MYH2: variants seen among roughly 807,000 people sequenced by gnomAD.
The protein encoded by MYH2 is myosin heavy chain 2.
A neutral mutation model predicts 228.1 loss-of-function variants in MYH2; 139 were observed. The observed-to-expected ratio is 0.61, with a 90% CI of 0.53 to 0.70. The LOEUF (loss-of-function observed/expected upper bound fraction) is 0.70. Ranked by LOEUF, MYH2 falls within the 30% of genes least tolerant of loss-of-function variation. MYH2 has a pLI of 0.00. For synonymous variants in MYH2, 796 were observed against 871.1 expected, an observed-to-expected ratio of 0.91 and a Z score of 1.52; for missense variants, 1,809 against 2,357.5, an observed-to-expected ratio of 0.77 and a Z score of 4.82.
chr17:10,534,480 A>G (rs528134519), intron 19 of MYH2, among the ~76,000 whole-genome samples: 17 of 152,232 alleles, frequency 1.1e-4, no homozygotes, highest in Non-Finnish European at 2.4e-4. Flanking sequence ...ATTAAACAAG[A>G]TAATCTGAAC....
intron 37 of MYH2, 22 bp downstream of exon 37, chr17:10,523,474 A>G (rs369055113): frequency 6.8e-6 from 11 of 1,614,098 alleles, no homozygotes; most frequent in African/African-American, 1.3e-5. Flanking sequence ...AGATGGAAAT[A>G]GACAGATATT....
At position 10,525,325 on chromosome 17, in the gene MYH2, G is replaced by C. The variant is rs146102144; in HGVS notation, c.4561C>G (p.Gln1521Glu). 3 of 1,614,032 alleles carry C rather than the reference G, an allele frequency of 1.9e-6. No individual in the cohort carries two copies. In the African/African-American group the frequency reaches 4.0e-5, roughly 22 times the overall value. The change falls in exon 33 of 40, where the codon CAG (glutamine) becomes GAG (glutamate). Residue 1521 changes from glutamine (Q) to glutamate (E), a missense_variant. Physicochemically the swap from Gln to Glu is conservative, Grantham distance 29. This residue lies in a region of MYH2 where 636 missense variants were observed against 729.9 expected (regional missense o/e 0.87). Coordinates refer to ENST00000245503, the MANE Select transcript of MYH2 (RefSeq NM_017534.6). The surrounding 1 kb of genome is among the most constrained non-coding windows in gnomAD (Gnocchi z 4.2). ...ATACGTTTCCCTCCTTCTGCAATCT[G>C]TTCCGTGAGGTCAGAAATCTCCTCT... ...LQQEISDLTE[Q>E]IAEGGKRIHE... is the part of the protein sequence containing the mutation.
At position 10,523,004 on chromosome 17, in the gene MYH2, T is replaced by C. The variant is rs1284127774; in HGVS notation, c.5673+86A>G. 16 of 908,600 alleles carry C rather than the reference T, an allele frequency of 1.8e-5. No homozygotes were observed. The Admixed American group carries it at 2.0e-4, about 12-fold the overall frequency. The allele number at this position is 908,600 out of a possible 1,614,324, so 56.3% of individuals were successfully genotyped here. A position where few individuals can be genotyped will look rare whatever the true frequency, so the allele number is the denominator to read the frequency against. Reference sequence around the variant, plus strand: ...CAAATGTTAAATATGCATGCAGTAGTCTTTAAAGCAAACAGCTTGTTCACT... The same window carrying C: ...CAAATGTTAAATATGCATGCAGTAGCCTTTAAAGCAAACAGCTTGTTCACT... On this transcript the variant is annotated intron_variant, in intron 39 of 39. Transcript: ENST00000245503.
chr17:10,526,653 C>T lies in MYH2; in HGVS notation c.4133G>A (p.Arg1378Lys), dbSNP rs2073357973. The T allele has an allele frequency of 1.2e-6, 2 of 1,614,010 alleles. No individual in the cohort carries two copies. The highest frequency in any genetic ancestry group is 1.3e-5 in the African/African-American group (1 of 75,048). Residue 1378 changes from arginine to lysine, a missense_variant, in exon 30 of 40, where the codon AGG (arginine) becomes AAG (lysine). Transcript: ENST00000245503. ...GATGGCGTCCGTCTCGTATTTGGTC[C>T]TCCATTGGGCAACCTCGGTGTTGGC... ...SKANTEVAQW[R>K]TKYETDAIQR...
rs760478744 is a variant in MYH2 at position 10,537,349 on chromosome 17, G to A, written c.1781C>T (p.Thr594Ile). The A allele has an allele frequency of 7.4e-6, 12 of 1,614,218 alleles. No individual in the cohort carries two copies. Among genetic ancestry groups the A allele is most frequent in the Non-Finnish European group, 9.3e-6 (11 of 1,180,048 alleles). ...GTCCTTGTTCTTCTCCAGCCAGCCA[G>A]TAATGTTGTAGTCCACAACACCAGC... The part of the protein sequence containing the change: ...HYAGVVDYNI[T>I]GWLEKNKDPL... The change falls in exon 16 of 40, where the codon ACT becomes ATT. Residue 594 changes from threonine to isoleucine, a missense_variant. This residue lies in a region of MYH2 where 41 missense variants were observed against 35.1 expected (regional missense o/e 1.17). Coordinates refer to ENST00000245503, the MANE Select transcript of MYH2 (RefSeq NM_017534.6). The surrounding 1 kb of genome is among the most constrained non-coding windows in gnomAD (Gnocchi z 4.0).
At chr17:10,545,227 A>AGC in intron 5 of MYH2, 119 bp downstream of exon 5, 1 of 1,578,010 alleles carries the variant, frequency 6.3e-7, no homozygotes, top group Non-Finnish European at 8.7e-7. Context: ...CTTCATAAAT[A>AGC]CACCAGCCTC....
rs201814271 is a variant in MYH2, at chr17:10,540,043, A to G, written c.1032T>C (p.Phe344=). 2 of 1,614,100 alleles carry G rather than the reference A, an allele frequency of 1.2e-6. No individual in the cohort carries two copies. The highest frequency in any genetic ancestry group is 4.5e-5 in the East Asian group (2 of 44,878). ...ATDSAIDILG[F]TNEEKVSIYK... is the part of the protein sequence containing the mutation. ...AAATGGAGACCTTTTCTTCATTAGT[A>G]AAGCCCAAAATATCAATAGCACTCT... Residue 344 remains phenylalanine (F), a synonymous_variant, in exon 12 of 40, where the codon TTT becomes TTC. Coordinates refer to ENST00000245503, the MANE Select transcript of MYH2 (RefSeq NM_017534.6).
At position 10,531,871 on chromosome 17, in the gene MYH2, A is replaced by G. The variant is rs1413214399; in HGVS notation, c.2459T>C (p.Ile820Thr). ...MVERREAIFCIQYNIRSFMNV... is the reference protein window; with the variant it reads ...MVERREAIFCTQYNIRSFMNV... ...CATGAAGGATCTGATATTGTACTGG[A>G]TACAGAAGATGGCCTCCCTGAAATT... The change falls in exon 22 of 40, where the codon ATC (isoleucine) becomes ACC (threonine). Residue 820 changes from isoleucine (I) to threonine (T), a missense_variant. By Grantham distance (89) the Ile-to-Thr change is moderately conservative (BLOSUM62 -1). This residue lies in a region of MYH2 where 276 missense variants were observed against 344.2 expected (regional missense o/e 0.80). Transcript: ENST00000245503. 9 of 1,614,114 alleles carry G rather than the reference A, an allele frequency of 5.6e-6. No individual in the cohort carries two copies. The South Asian group carries it at 9.9e-5, about 18-fold the overall frequency.
intron 13 of MYH2, 44 bp downstream of exon 13, chr17:10,539,400 A>C (rs199518722): frequency 1.2e-6 from 2 of 1,614,094 alleles, no homozygotes; most frequent in Non-Finnish European, 8.5e-7. Flanking sequence ...AAGGCCTATG[A>C]AAATGCTTTC....
At chr17:10,542,609 A>G (rs1222088986) in intron 10 of MYH2, among the ~76,000 whole-genome samples, 3 of 152,242 alleles carry the variant, frequency 2.0e-5, no homozygotes, top group African/African-American at 7.2e-5. Flanking sequence ...ATGTATACAG[A>G]AAATGACTAG....
rs2073501159 is a variant in MYH2 at position 10,537,787 on chromosome 17, G to C, written c.1465C>G (p.Gln489Glu). The C allele has an allele frequency of 1.9e-6, 3 of 1,614,142 alleles. No individual in the cohort carries two copies. The East Asian group carries it at 6.7e-5, about 36-fold the overall frequency. Residue 489 changes from glutamine to glutamate, a missense_variant, in exon 15 of 40, where the codon CAA (glutamine) becomes GAA (glutamate). By Grantham distance (29) the Gln-to-Glu change is conservative. Coordinates refer to ENST00000245503, the MANE Select transcript of MYH2 (RefSeq NM_017534.6). The surrounding 1 kb of genome is among the most constrained non-coding windows in gnomAD (Gnocchi z 4.0). The part of the protein sequence containing the change: ...LCINFTNEKL[Q>E]QFFNHHMFVL... ...AACATGTGGTGGTTGAAAAACTGTTGCAGTTTCTCATTGGTGAAGTTGATG... is the reference window on the plus strand; with the variant it reads ...AACATGTGGTGGTTGAAAAACTGTTCCAGTTTCTCATTGGTGAAGTTGATG...
rs919944951 is a variant in MYH2 at position 10,537,645 on chromosome 17, T to G, written c.1587+20A>C. ...TAATATAGTTGCCGCAAAATATGGT[T>G]TCAGAAATGCAAAACCAACCTTCTC... On this transcript the variant is annotated intron_variant, in intron 15 of 39. Coordinates refer to ENST00000245503, the MANE Select transcript of MYH2 (RefSeq NM_017534.6). This position sits in a 1 kb window ranked among gnomAD's most constrained non-coding sequence, Gnocchi z 4.0. 1.9e-6 allele frequency: 3 copies of G among 1,614,080 alleles called. No homozygotes were observed. The highest frequency in any genetic ancestry group is 3.3e-5 in the Admixed American group (2 of 59,990).
At chr17:10,526,325 C>A (rs185492111) in intron 30 of MYH2, among the ~76,000 whole-genome samples, 1 of 152,126 alleles carries the variant, frequency 6.6e-6, no homozygotes, top group African/African-American at 2.4e-5. Flanking sequence ...CCTGATGCAG[C>A]GATGAGCTCA....
chr17:10,530,354 T>G (rs2073410621), intron 22 of MYH2, among the ~76,000 whole-genome samples: 1 of 152,176 alleles, frequency 6.6e-6, no homozygotes, highest in African/African-American at 2.4e-5. Flanking sequence ...AAGCAATTAG[T>G]GACATAACAG....
chr17:10,533,919 G>A (rs561464483), intron 19 of MYH2, among the ~76,000 whole-genome samples: 1 of 152,172 alleles, frequency 6.6e-6, no homozygotes, highest in East Asian at 1.9e-4. Context: ...CCAATAAAAT[G>A]TAATCTGTTA....
chr17:10,545,653 C>G, intron 4 of MYH2, 151 bp from the exon 5 acceptor site: 2 of 1,061,846 alleles, frequency 1.9e-6, no homozygotes, highest in Non-Finnish European at 2.8e-6. Flanking sequence ...CAGCCCCAAC[C>G]TCCCGGGCTC....
At position 10,521,268 on chromosome 17, in the gene MYH2, A is replaced by C. The variant is rs748935808; in HGVS notation, c.*12T>G. ...TGCCTGTCTTCAGTCATTCCATGGCATCAGGACATGATCACTCTTCACTTA... is the reference window on the plus strand; with the variant it reads ...TGCCTGTCTTCAGTCATTCCATGGCCTCAGGACATGATCACTCTTCACTTA... On this transcript the variant is annotated 3_prime_UTR_variant, in exon 40 of 40. Coordinates refer to ENST00000245503, the MANE Select transcript of MYH2 (RefSeq NM_017534.6). 6.2e-6 allele frequency: 10 copies of C among 1,613,078 alleles called. No individual in the cohort carries two copies. The highest frequency in any genetic ancestry group is 8.5e-6 in the Non-Finnish European group (10 of 1,179,962).
At chr17:10,538,191 A>G (rs1392069451) in intron 14 of MYH2, among the ~76,000 whole-genome samples, 2 of 152,120 alleles carry the variant, frequency 1.3e-5, no homozygotes, top group Non-Finnish European at 2.9e-5. Flanking sequence ...TGACTCATTT[A>G]GGAGCCAACT....
chr17:10,527,636 G>A, intron 28 of MYH2, 112 bp downstream of exon 28: 1 of 1,526,458 alleles, frequency 6.6e-7, no homozygotes, highest in South Asian at 1.1e-5. Flanking sequence ...GCTGTTCAGT[G>A]AATCAGACAT....
Sources: allele counts gnomAD v4.1 joint callset (sites outside exome capture counted in the v4.1 genomes callset), GRCh38; gene constraint gnomAD v4.1.1; regional missense constraint gnomAD v4.1.1; non-coding constraint Gnocchi (gnomAD v3.1); transcripts MANE v1.5; gene names NCBI Gene and HGNC (gene_info 2026-07-23, HGNC 2026-07-21).